Variants in MUC5B observed in about 807,000 individuals in gnomAD.
MUC5B encodes mucin 5B, oligomeric mucus/gel-forming.
A neutral mutation model predicts 376.9 loss-of-function variants in MUC5B; 116 were observed. That is an observed-to-expected ratio of 0.31 (90% CI 0.26 to 0.36). The LOEUF is 0.36. Ranked by LOEUF, MUC5B falls within the 10% of genes least tolerant of loss-of-function variation. The probability of loss-of-function intolerance (pLI) is 1.00; values close to 1 mark genes in which losing one functional copy is unlikely to be tolerated. For synonymous variants in MUC5B, 3,517 were observed against 3,390.9 expected (o/e 1.04, Z -1.29); for missense variants, 7,165 against 7,769.9 (o/e 0.92, Z 2.93).
In MUC5B at chr11:1,236,989, G is replaced by GCCGGT; in HGVS notation, c.3126_3130dup (p.Val1044GlyfsTer69). 6.4e-7 allele frequency: 1 copy of GCCGGT among 1,568,592 alleles called. No homozygotes were observed. Among genetic ancestry groups the GCCGGT allele is most frequent in the Non-Finnish European group, 8.7e-7 (1 of 1,155,880 alleles). On this transcript the variant is annotated frameshift_variant, in exon 25 of 49. Transcript: ENST00000529681. LOFTEE classifies it high-confidence loss of function. ...GCCATCAATGACTTTGCCACGCGTA[G>GCCGGT]CCGGTCCGTGGTGGGGGACGCACTG... is the stretch of plus-strand genomic sequence containing the variant.
rs376773950 is a variant in MUC5B, at chr11:1,257,205, G to A, written c.16238-35G>A. ...AGAGGCCCCTCCGCCTGCAAACTCA[G>A]CACCCTCCGTGATGCCATGCTGTTT... is the stretch of plus-strand genomic sequence containing the variant. On this transcript the variant is annotated intron_variant, in intron 39 of 48. Transcript: ENST00000529681. The surrounding 1 kb of genome is among the most constrained non-coding windows in gnomAD (Gnocchi z 8.9). 7.1e-5 allele frequency: 55 copies of A among 779,612 alleles called. No individual in the cohort carries two copies. Among genetic ancestry groups the A allele is most frequent in the Admixed American group, 1.9e-4 (11 of 59,040 alleles). The allele number at this position is 779,612 out of a possible 1,614,324, so 48.3% of individuals were successfully genotyped here. A position where few individuals can be genotyped will look rare whatever the true frequency, so the allele number is the denominator to read the frequency against.
chr11:1,261,799 C>T lies in MUC5B; in HGVS notation c.*191C>T, dbSNP rs372800580. 113 of 709,912 alleles carry T rather than the reference C, an allele frequency of 1.6e-4. No individual in the cohort carries two copies. Among genetic ancestry groups the T allele is most frequent in the Middle Eastern group, 6.9e-4 (3 of 4,370 alleles). The allele number at this position is 709,912 out of a possible 1,614,324, so 44.0% of individuals were successfully genotyped here. A position where few individuals can be genotyped will look rare whatever the true frequency, so the allele number is the denominator to read the frequency against. ...GGTGAGGGGCCAGCAGGACCCCTTT[C>T]GGGAGGGCGCCACTCAGGAGTCCTA... On this transcript the variant is annotated 3_prime_UTR_variant, in exon 49 of 49. Transcript: ENST00000529681.
In MUC5B at chr11:1,258,373, G is replaced by C. The variant is rs1268848761; in HGVS notation, c.16593+6G>C. 15 of 1,611,960 alleles carry C rather than the reference G, an allele frequency of 9.3e-6. No homozygotes were observed. Among genetic ancestry groups the C allele is most frequent in the African/African-American group, 1.3e-5 (1 of 75,042 alleles). ...ACAATGGCACCTTCTACGGGGTAAGGGCACAGCAGTGGGTGGGTGTGGCCC... is the reference window on the plus strand; with the variant it reads ...ACAATGGCACCTTCTACGGGGTAAGCGCACAGCAGTGGGTGGGTGTGGCCC... On this transcript the variant is annotated splice_donor_region_variant and intron_variant, in intron 43 of 48. Transcript: ENST00000529681. The surrounding 1 kb of genome is among the most constrained non-coding windows in gnomAD (Gnocchi z 5.5).
Position 1,239,862 on chromosome 11 carries a change from C to T in MUC5B, c.3647C>T (p.Ala1216Val), listed in dbSNP as rs1224023198. The change falls in exon 28 of 49, where the codon GCC (alanine) becomes GTC (valine). Residue 1216 changes from alanine to valine, a missense_variant. Physicochemically the swap from Ala to Val is moderately conservative, Grantham distance 64. Coordinates refer to ENST00000529681, the MANE Select transcript of MUC5B (RefSeq NM_002458.3). ...FFNEDQMKCV[A>V]QCGCYDKDGN... is the part of the protein sequence containing the mutation. ...AATGAGGACCAGATGAAGTGCGTGG[C>T]CCAGTGTGGCTGCTACGACAAGGAC... 1 of 1,613,174 alleles carries T rather than the reference C, an allele frequency of 6.2e-7. No homozygotes were observed. Among genetic ancestry groups the T allele is most frequent in the Non-Finnish European group, 8.5e-7 (1 of 1,179,594 alleles).
intron 30 of MUC5B, 37 bp from the exon 31 acceptor site, chr11:1,240,814 A>T (rs750122413): frequency 1.3e-6 from 2 of 1,557,568 alleles, no homozygotes; most frequent in Non-Finnish European, 1.7e-6. Context: ...GGACTGGAGG[A>T]TGCTGAGCCA....
chr11:1,258,985 C>G lies in MUC5B; in HGVS notation c.16637C>G (p.Thr5546Ser). Residue 5546 changes from threonine (T) to serine (S), a missense_variant, in exon 44 of 49, where the codon ACC becomes AGC. Around this residue, in one of 31 missense-constraint regions of MUC5B, gnomAD observed 842 missense variants for 1,016.9 expected, o/e 0.83. Coordinates refer to ENST00000529681, the MANE Select transcript of MUC5B (RefSeq NM_002458.3). The surrounding 1 kb of genome is among the most constrained non-coding windows in gnomAD (Gnocchi z 5.5). ...FPGALPCHMCTCLSGDTQDPT... is the reference protein window; with the variant it reads ...FPGALPCHMCSCLSGDTQDPT... ...GGCGCCCTTCCCTGCCACATGTGTA[C>G]CTGCCTCTCTGGGGACACCCAGGAC... 1 of 1,558,610 alleles carries G rather than the reference C, an allele frequency of 6.4e-7. No homozygotes were observed. The highest frequency in any genetic ancestry group is 8.7e-7 in the Non-Finnish European group (1 of 1,152,172).
At chr11:1,229,520 A>G (rs537134542) in intron 9 of MUC5B, among the ~76,000 whole-genome samples, 170 bp from the exon 10 acceptor site, 13 of 152,086 alleles carry the variant, frequency 8.5e-5, no homozygotes, top group Non-Finnish European at 1.9e-4. Context: ...GGGGAAACTG[A>G]GGCCCAGAGG....
chr11:1,256,265 G>C (rs1223913205), intron 38 of MUC5B, 40 bp downstream of exon 38: 4 of 716,068 alleles, frequency 5.6e-6, no homozygotes, highest in South Asian at 4.4e-5. Flanking sequence ...TGCCACCCAG[G>C]CCTGCCTGAC....
In MUC5B at chr11:1,257,038, T is replaced by G. The variant is rs55793950; in HGVS notation, c.16238-202T>G. Among the ~76,000 whole-genome samples, 3,806 of 152,274 alleles carry G rather than the reference T, an allele frequency of 0.025. 62 individuals carry two copies. The highest frequency in any genetic ancestry group is 0.033 in the Non-Finnish European group (2,228 of 68,008). On this transcript the variant is annotated intron_variant, in intron 39 of 48. Transcript: ENST00000529681. The surrounding 1 kb of genome is among the most constrained non-coding windows in gnomAD (Gnocchi z 8.9). Reference sequence around the variant, plus strand: ...CCCTGAGCCCTGCCTCCCACCACCATGGACGAGGCTTCCATGCACTGACAG... The same window carrying G: ...CCCTGAGCCCTGCCTCCCACCACCAGGGACGAGGCTTCCATGCACTGACAG...
At chr11:1,256,477 C>G (rs1474810093) in intron 38 of MUC5B, 194 bp from the exon 39 acceptor site, 4 of 513,284 alleles carry the variant, frequency 7.8e-6, no homozygotes, top group African/African-American at 2.0e-5. Flanking sequence ...CACCCATCCC[C>G]GCCCATACTT....
chr11:1,237,382 C>T (rs527713871), intron 25 of MUC5B, among the ~76,000 whole-genome samples: 3 of 152,332 alleles, frequency 2.0e-5, no homozygotes, highest in South Asian at 2.1e-4. Flanking sequence ...GGCTGTTTCC[C>T]GGCCACTCCT....
chr11:1,240,651 G>A (rs925966432), intron 30 of MUC5B, among the ~76,000 whole-genome samples, 200 bp from the exon 31 acceptor site: 2 of 152,212 alleles, frequency 1.3e-5, no homozygotes, highest in African/African-American at 4.8e-5. Context: ...CAGCCAGCCA[G>A]CTCCCTCAAG....
Position 1,240,986 on chromosome 11 carries a change from A to G in MUC5B, c.4106A>G (p.Tyr1369Cys). 2 of 1,613,432 alleles carry G rather than the reference A, an allele frequency of 1.2e-6. No homozygotes were observed. The highest frequency in any genetic ancestry group is 3.3e-4 in the Middle Eastern group (2 of 6,020). Residue 1369 changes from tyrosine (Y) to cysteine (C), a missense_variant, in exon 31 of 49, where the codon TAC becomes TGC. Transcript: ENST00000529681. Reference sequence around the variant, plus strand: ...TTTGAAAACCTGAGGCAGAGAGGGTACCAGGTATGCCCTGTGCTGGCTGAC... The same window carrying G: ...TTTGAAAACCTGAGGCAGAGAGGGTGCCAGGTATGCCCTGTGCTGGCTGAC... ...ETFENLRQRG[Y>C]QVCPVLADIE...
At chr11:1,232,380 C>T (rs1430930079) in intron 15 of MUC5B, 70 bp from the exon 16 acceptor site, 14 of 1,495,848 alleles carry the variant, frequency 9.4e-6, no homozygotes, top group South Asian at 6.1e-5. Context: ...CTGAGGGGGT[C>T]GCAGGCCTGC....
rs1169901637 is a variant in MUC5B, at chr11:1,245,980, G to A, written c.9100G>A (p.Ala3034Thr). The change falls in exon 31 of 49, where the codon GCC becomes ACC. Residue 3034 changes from alanine (A) to threonine (T), a missense_variant. By Grantham distance (58) the Ala-to-Thr change is moderately conservative. Around this residue, in one of 31 missense-constraint regions of MUC5B, gnomAD observed 939 missense variants for 770.6 expected, o/e 1.22. Transcript: ENST00000529681. ...VLTSTATTPTATSSKATSSSS... is the reference protein window; with the variant it reads ...VLTSTATTPTTTSSKATSSSS... ...GACCAGCACGGCCACCACACCCACAGCCACCAGTTCCAAAGCCACTTCCTC... is the reference window on the plus strand; with the variant it reads ...GACCAGCACGGCCACCACACCCACAACCACCAGTTCCAAAGCCACTTCCTC... The A allele has an allele frequency of 3.1e-6, 5 of 1,612,318 alleles. No individual in the cohort carries two copies. In the African/African-American group the frequency reaches 5.4e-5, roughly 17 times the overall value.
In MUC5B at chr11:1,246,622, G is replaced by T. The variant is rs201342042; in HGVS notation, c.9742G>T (p.Ala3248Ser). Residue 3248 changes from alanine (A) to serine (S), a missense_variant, in exon 31 of 49, where the codon GCC becomes TCC. This residue lies in a region of MUC5B where 939 missense variants were observed against 770.6 expected (regional missense o/e 1.22). Transcript: ENST00000529681. ...CATCCCCTCTTCCTCCCTGGGCACC[G>T]CCTGGACCCGCCTATCACAGACCAC... is the stretch of plus-strand genomic sequence containing the variant. ...TAIPSSSLGT[A>S]WTRLSQTTTP... The T allele has an allele frequency of 1.2e-6, 2 of 1,606,656 alleles. No individual in the cohort carries two copies. The highest frequency in any genetic ancestry group is 2.7e-5 in the African/African-American group (2 of 74,102).
Position 1,257,678 on chromosome 11 carries a change from C to A in MUC5B, c.16418C>A (p.Ala5473Asp). Residue 5473 changes from alanine (A) to aspartate (D), a missense_variant, in exon 41 of 49, where the codon GCC becomes GAC. Ala to Asp is a moderately radical substitution (Grantham distance 126). Around this residue, in one of 31 missense-constraint regions of MUC5B, gnomAD observed 842 missense variants for 1,016.9 expected, o/e 0.83. Coordinates refer to ENST00000529681, the MANE Select transcript of MUC5B (RefSeq NM_002458.3). The surrounding 1 kb of genome is among the most constrained non-coding windows in gnomAD (Gnocchi z 8.9). ...PGFVTVTRPR[A>D]ENPCCPETVC... is the part of the protein sequence containing the mutation. ...TTCGTAACCGTGACCAGGCCCCGGGCCGAGAACCCCTGCTGCCCCGAGACG... is the reference window on the plus strand; with the variant it reads ...TTCGTAACCGTGACCAGGCCCCGGGACGAGAACCCCTGCTGCCCCGAGACG... The A allele has an allele frequency of 6.4e-7, 1 of 1,573,316 alleles. No homozygotes were observed. Among genetic ancestry groups the A allele is most frequent in the Non-Finnish European group, 8.6e-7 (1 of 1,167,142 alleles).
Position 1,246,616 on chromosome 11 carries a change from G to C in MUC5B, c.9736G>C (p.Gly3246Arg). 6.2e-7 allele frequency: 1 copy of C among 1,612,440 alleles called. No individual in the cohort carries two copies. ...TACAGCCATCCCCTCTTCCTCCCTG[G>C]GCACCGCCTGGACCCGCCTATCACA... ...SVTAIPSSSL[G>R]TAWTRLSQTT... is the part of the protein sequence containing the mutation. The change falls in exon 31 of 49, where the codon GGC becomes CGC. Residue 3246 changes from glycine (G) to arginine (R), a missense_variant. Physicochemically the swap from Gly to Arg is moderately radical, Grantham distance 125. Around this residue, in one of 31 missense-constraint regions of MUC5B, gnomAD observed 939 missense variants for 770.6 expected, o/e 1.22. Transcript: ENST00000529681.
At chr11:1,232,895 C>T (rs1056384158) in intron 17 of MUC5B, 118 bp from the exon 18 acceptor site, 325 of 1,460,166 alleles carry the variant, frequency 2.2e-4, no homozygotes, top group South Asian at 8.8e-4. Flanking sequence ...ATCCCAGCCT[C>T]GCAAGAACCT....
Sources: allele counts gnomAD v4.1 joint callset (sites outside exome capture counted in the v4.1 genomes callset), GRCh38; gene constraint gnomAD v4.1.1; regional missense constraint gnomAD v4.1.1; non-coding constraint Gnocchi (gnomAD v3.1); transcripts MANE v1.5; gene names NCBI Gene and HGNC (gene_info 2026-07-23, HGNC 2026-07-21).